SLA2: variants seen among roughly 807,000 people sequenced by gnomAD.
SLA2 encodes the protein src-like-adapter 2.
SLA2 carries 22 observed loss-of-function variants against 27.3 expected under a neutral mutation model. The ratio of observed to expected loss-of-function variants is 0.81; its 90% confidence interval spans 0.58 to 1.15. The LOEUF (loss-of-function observed/expected upper bound fraction) is 1.15, where lower values mean the gene tolerates loss of function less well. Among genes scored for constraint, SLA2 ranks in the 50% most tolerant of loss-of-function variants. SLA2 has a pLI of 0.00. For missense variants in SLA2, 304 were observed against 322.2 expected, an observed-to-expected ratio of 0.94 and a Z score of 0.43; for synonymous variants, 131 against 137.8, an observed-to-expected ratio of 0.95 and a Z score of 0.34.
At position 36,613,752 on chromosome 20, in the gene SLA2, CTG is replaced by C; in HGVS notation, c.*112_*113del. The C allele has an allele frequency of 9.9e-7, 1 of 1,006,232 alleles. No individual in the cohort carries two copies. The allele number at this position is 1,006,232 out of a possible 1,614,324, so 62.3% of individuals were successfully genotyped here. A position where few individuals can be genotyped will look rare whatever the true frequency, so the allele number is the denominator to read the frequency against. The stretch of plus-strand genomic sequence containing the variant: ...TACAGGTGGGACCCTAGATGCACCT[CTG>C]TGTCCCACCCTCCCTCCCTGAGTGC... On this transcript the variant is annotated 3_prime_UTR_variant, in exon 8 of 8. Transcript: ENST00000262866.
At chr20:36,628,052 CTG>C (rs1054768235) in intron 5 of SLA2, among the ~76,000 whole-genome samples, 5 of 152,160 alleles carry the variant, frequency 3.3e-5, no homozygotes, top group African/African-American at 1.2e-4. Context: ...GATTGGAACT[CTG>C]TTTTCAAACT....
intron 5 of SLA2, among the ~76,000 whole-genome samples, chr20:36,618,700 G>A (rs927748231): frequency 5.3e-5 from 8 of 151,674 alleles, no homozygotes; most frequent in African/African-American, 1.9e-4. Flanking sequence ...GAGGTCAGGA[G>A]TTCAAGACCA....
chr20:36,618,149 A>ACAAAAC (rs2039237048), intron 5 of SLA2, among the ~76,000 whole-genome samples: 1 of 151,346 alleles, frequency 6.6e-6, no homozygotes, highest in Non-Finnish European at 1.5e-5. Flanking sequence ...TCCGTCTCAA[A>ACAAAAC]AAAAAAAAAA....
rs2039424076 is a variant in SLA2 at position 36,634,502 on chromosome 20, G to A, written c.179C>T (p.Thr60Ile). The A allele has an allele frequency of 1.2e-6, 2 of 1,609,474 alleles. No homozygotes were observed. Among genetic ancestry groups the A allele is most frequent in the Non-Finnish European group, 1.7e-6 (2 of 1,177,308 alleles). The change falls in exon 3 of 8, where the codon ACC (threonine) becomes ATC (isoleucine). Residue 60 changes from threonine (T) to isoleucine (I), a missense_variant. Coordinates refer to ENST00000262866, the MANE Select transcript of SLA2 (RefSeq NM_032214.4). ...ELSLRLGEPLTIVSEDGDWWT... is the reference protein window; with the variant it reads ...ELSLRLGEPLIIVSEDGDWWT... ...CCCATGGACTTACTCAGAGACGATG[G>A]TCAATGGCTCCCCGAGTCTCAGCGA...
intron 2 of SLA2, among the ~76,000 whole-genome samples, chr20:36,635,137 C>T (rs576152238): frequency 2.6e-4 from 39 of 152,038 alleles, no homozygotes; most frequent in Admixed American, 1.6e-3. Flanking sequence ...ACAGCACCCA[C>T]GCCCTCAGCC....
At chr20:36,626,456 C>G (rs1473117672) in intron 5 of SLA2, among the ~76,000 whole-genome samples, 1 of 151,536 alleles carries the variant, frequency 6.6e-6, no homozygotes, top group African/African-American at 2.4e-5. Flanking sequence ...CCCAGCTACT[C>G]AGGAGGCTGA....
intron 5 of SLA2, among the ~76,000 whole-genome samples, chr20:36,623,053 G>C (rs1184510645): frequency 1.3e-5 from 2 of 152,118 alleles, no homozygotes; most frequent in Admixed American, 6.6e-5. Flanking sequence ...CTGATCACCT[G>C]AGGCCAGGAG....
chr20:36,638,269 C>G (rs184426986), intron 2 of SLA2, among the ~76,000 whole-genome samples: 1 of 152,124 alleles, frequency 6.6e-6, no homozygotes, highest in East Asian at 1.9e-4. Context: ...GAGGAGACTT[C>G]TACGTTACAA....
chr20:36,635,645 G>A (rs1372152935), intron 2 of SLA2, among the ~76,000 whole-genome samples: 1 of 152,102 alleles, frequency 6.6e-6, no homozygotes, highest in Admixed American at 6.6e-5. Flanking sequence ...TGTCCTCTGA[G>A]GTCTCTGAGG....
In SLA2 at chr20:36,633,464, A is replaced by G. The variant is rs549982112; in HGVS notation, c.278+79T>C. On this transcript the variant is annotated intron_variant, in intron 4 of 7. Coordinates refer to ENST00000262866, the MANE Select transcript of SLA2 (RefSeq NM_032214.4). ...CCCCATCCCCAGCTTTGCTCAGCGC[A>G]GAGCCGTGCACAAAGGGGAGTTCTT... The G allele has an allele frequency of 1.0e-4, 129 of 1,245,872 alleles. No individual in the cohort carries two copies. The African/African-American group carries it at 1.9e-3, about 18-fold the overall frequency. 77.2% of individuals were successfully genotyped at this position (1,245,872 alleles called of 1,614,324 possible).
At chr20:36,630,817 A>G (rs2147989910) in intron 5 of SLA2, among the ~76,000 whole-genome samples, 1 of 152,254 alleles carries the variant, frequency 6.6e-6, no homozygotes, top group South Asian at 2.1e-4. Flanking sequence ...TTGTGTTTTG[A>G]TTGCAAAAGA....
intron 2 of SLA2, among the ~76,000 whole-genome samples, chr20:36,637,322 C>G (rs2039461697): frequency 6.6e-6 from 1 of 151,152 alleles, no homozygotes; most frequent in African/African-American, 2.4e-5. Context: ...CCTGCCTCAG[C>G]CTCCTGAGTA....
intron 3 of SLA2, 70 bp downstream of exon 3, chr20:36,634,420 G>T: frequency 8.5e-7 from 1 of 1,182,772 alleles, no homozygotes; most frequent in Non-Finnish European, 1.2e-6. Flanking sequence ...GACAGCTAGC[G>T]CTACAGGCAC....
At chr20:36,615,192 C>T (rs1568599892) in intron 6 of SLA2, 33 bp downstream of exon 6, 1 of 1,613,790 alleles carries the variant, frequency 6.2e-7, no homozygotes. Context: ...CAGACTATCC[C>T]AGCCTAGTCC....
rs559459455 is a variant in SLA2 at position 36,622,856 on chromosome 20, T to C, written c.383-7482A>G. ...AATCCTTAATCACATCTGCAAACTCTTTTTGCAATGTAAGGTAACATATTC... is the reference window on the plus strand; with the variant it reads ...AATCCTTAATCACATCTGCAAACTCCTTTTGCAATGTAAGGTAACATATTC... On this transcript the variant is annotated intron_variant, in intron 5 of 7. Transcript: ENST00000262866. Among the ~76,000 whole-genome samples, 10 of 152,322 alleles carry C rather than the reference T, an allele frequency of 6.6e-5. No individual in the cohort carries two copies. The South Asian group carries it at 2.1e-3, about 32-fold the overall frequency.
At chr20:36,617,788 C>T (rs2039231824) in intron 5 of SLA2, among the ~76,000 whole-genome samples, 1 of 150,416 alleles carries the variant, frequency 6.6e-6, no homozygotes, top group African/African-American at 2.4e-5. Context: ...ACCCAGGAGG[C>T]AGAGGTTGCA....
Position 36,632,704 on chromosome 20 carries a change from G to A in SLA2, c.279-6C>T, listed in dbSNP as rs374082790. The A allele has an allele frequency of 1.9e-5, 30 of 1,612,170 alleles. 1 individual carries two copies. The highest frequency in any genetic ancestry group is 2.2e-5 in the East Asian group (1 of 44,836). On this transcript the variant is annotated splice_polypyrimidine_tract_variant and splice_region_variant and intron_variant, in intron 4 of 7. Transcript: ENST00000262866. ...TCAGGCCCTCATACAGCCACCTGGC[G>A]GAGCGAAAGAGAGGGACAAGGGACA... is the stretch of plus-strand genomic sequence containing the variant.
rs1425409061 is a variant in SLA2, at chr20:36,613,987, C to T, written c.666-1G>A. 6.2e-7 allele frequency: 1 copy of T among 1,613,814 alleles called. No homozygotes were observed. Among genetic ancestry groups the T allele is most frequent in the East Asian group, 2.2e-5 (1 of 44,886 alleles). On this transcript the variant is annotated splice_acceptor_variant, in intron 7 of 7. Coordinates refer to ENST00000262866, the MANE Select transcript of SLA2 (RefSeq NM_032214.4). LOFTEE classifies it high-confidence loss of function. ...GGCAGCTTCAGAAAACAGGAGGGAGCTGTGGACAAAGGAAGATAATTGGGT... is the reference window on the plus strand; with the variant it reads ...GGCAGCTTCAGAAAACAGGAGGGAGTTGTGGACAAAGGAAGATAATTGGGT...
At chr20:36,623,266 CAA>C (rs776399343) in intron 5 of SLA2, among the ~76,000 whole-genome samples, 886 of 52,018 alleles carry the variant, frequency 0.017, 5 homozygotes, top group African/African-American at 0.054. Flanking sequence ...CATTACATCT[CAA>C]AAAAAAAAAA....
Sources: allele counts gnomAD v4.1 joint callset (sites outside exome capture counted in the v4.1 genomes callset), GRCh38; gene constraint gnomAD v4.1.1; transcripts MANE v1.5; gene names NCBI Gene and HGNC (gene_info 2026-07-23, HGNC 2026-07-21).